Variants in ATOSA observed in about 807,000 individuals in gnomAD.
ATOSA encodes atos homolog protein A.
At chr15:52,623,518 G>T in the ATOSA span, among the ~76,000 whole-genome samples, 11 of 152,072 alleles carry the variant, frequency 7.2e-5, no homozygotes, top group East Asian at 2.1e-3. Flanking sequence ...AGCCCTGGGG[G>T]ACTCCAACAA....
At chr15:52,591,192 C>G in the ATOSA span, among the ~76,000 whole-genome samples, 1 of 152,158 alleles carries the variant, frequency 6.6e-6, no homozygotes, top group Admixed American at 6.5e-5. Context: ...ATCCTAATGG[C>G]CAACAGGGAC....
chr15:52,663,583 T>C, the ATOSA span, among the ~76,000 whole-genome samples: 6 of 141,576 alleles, frequency 4.2e-5, no homozygotes, highest in African/African-American at 7.4e-5. Context: ...GTTGTACATA[T>C]TGTTAAGATG....
the ATOSA span, among the ~76,000 whole-genome samples, chr15:52,592,721 G>A: frequency 1.7e-3 from 263 of 152,360 alleles, 1 homozygote; most frequent in Non-Finnish European, 3.0e-3. Context: ...ACAAATTTGT[G>A]TTGGGTTACA....
chr15:52,671,859 G>A, the ATOSA span, among the ~76,000 whole-genome samples: 1 of 151,230 alleles, frequency 6.6e-6, no homozygotes, highest in African/African-American at 2.4e-5. Flanking sequence ...AAACCTAAAA[G>A]GCAGCTAGTG....
chr15:52,678,302 C>T, the ATOSA span: 1 of 589,902 alleles, frequency 1.7e-6, no homozygotes, highest in East Asian at 2.8e-5. Flanking sequence ...CGAGCACCCC[C>T]TTCCCTGCCT....
At chr15:52,614,174 C>T in the ATOSA span, among the ~76,000 whole-genome samples, 10 of 152,044 alleles carry the variant, frequency 6.6e-5, no homozygotes, top group South Asian at 1.2e-3. Flanking sequence ...GGCGCAATCT[C>T]GGCTCACTGC....
chr15:52,590,316 T>A, the ATOSA span, among the ~76,000 whole-genome samples: 1 of 152,212 alleles, frequency 6.6e-6, no homozygotes, highest in Non-Finnish European at 1.5e-5. Context: ...CTGCCTTAGA[T>A]ATTTCTGCCT....
the ATOSA span, chr15:52,651,804 T>A: frequency 6.8e-7 from 1 of 1,470,646 alleles, no homozygotes; most frequent in East Asian, 2.5e-5. Flanking sequence ...CACAGCCAAC[T>A]GGTAAACAGC....
At chr15:52,645,273 T>C in the ATOSA span, among the ~76,000 whole-genome samples, 1 of 152,086 alleles carries the variant, frequency 6.6e-6, no homozygotes, top group Non-Finnish European at 1.5e-5. Context: ...ACCCCATCTC[T>C]ACCAAAAATA....
the ATOSA span, among the ~76,000 whole-genome samples, chr15:52,612,874 T>C: frequency 2.6e-5 from 4 of 151,202 alleles, no homozygotes; most frequent in African/African-American, 9.7e-5. Context: ...GGGAGAAAAA[T>C]TCTTAAAGCA....
chr15:52,701,988 G>C, the ATOSA span, among the ~76,000 whole-genome samples: 2 of 151,624 alleles, frequency 1.3e-5, no homozygotes, highest in South Asian at 4.2e-4. Flanking sequence ...CAGAAAAATG[G>C]GCAAATAACA....
chr15:52,611,084 A>G, the ATOSA span: 1 of 1,540,516 alleles, frequency 6.5e-7, no homozygotes, highest in Admixed American at 2.2e-5. Flanking sequence ...TTGCTAACCA[A>G]GGTGGCTGAA....
chr15:52,610,356 C>T, the ATOSA span: 1 of 1,611,590 alleles, frequency 6.2e-7, no homozygotes, highest in Non-Finnish European at 8.5e-7. Flanking sequence ...AAAAATTCCA[C>T]TGTAGGTCTA....
At chr15:52,677,580 A>C in the ATOSA span, among the ~76,000 whole-genome samples, 1 of 152,230 alleles carries the variant, frequency 6.6e-6, no homozygotes. Flanking sequence ...AGTAGTAATA[A>C]AATAACAGTT....
the ATOSA span, among the ~76,000 whole-genome samples, chr15:52,707,076 G>A: frequency 5.9e-5 from 9 of 152,210 alleles, no homozygotes; most frequent in South Asian, 8.3e-4. Context: ...AACAAATGGC[G>A]GTAAAGACTT....
At chr15:52,654,610 T>C in the ATOSA span, among the ~76,000 whole-genome samples, 1 of 152,184 alleles carries the variant, frequency 6.6e-6, no homozygotes. Context: ...TCGTTAAGTA[T>C]GTTCTCTAAA....
the ATOSA span, among the ~76,000 whole-genome samples, chr15:52,636,172 T>TAAATA: frequency 6.8e-6 from 1 of 147,400 alleles, no homozygotes; most frequent in Admixed American, 6.8e-5. Context: ...AATAAATAAA[T>TAAATA]AAATAAAATA....
At chr15:52,624,232 T>G in the ATOSA span, among the ~76,000 whole-genome samples, 1 of 152,160 alleles carries the variant, frequency 6.6e-6, no homozygotes, top group Non-Finnish European at 1.5e-5. Context: ...TAAACGTTTT[T>G]GTTTTTGTTT....
the ATOSA span, among the ~76,000 whole-genome samples, chr15:52,703,420 A>T: frequency 5.3e-5 from 8 of 152,174 alleles, no homozygotes; most frequent in African/African-American, 1.9e-4. Context: ...TTACAAATTA[A>T]ATTACCCTAA....
Sources: allele counts gnomAD v4.1 joint callset (sites outside exome capture counted in the v4.1 genomes callset), GRCh38; gene constraint gnomAD v4.1.1; transcripts MANE v1.5; gene names NCBI Gene and HGNC (gene_info 2026-07-23, HGNC 2026-07-21).